RBFOX3: variants seen among roughly 807,000 people sequenced by gnomAD.
RBFOX3 encodes the protein RNA binding protein fox-1 homolog 3.
RBFOX3 carries 17 observed loss-of-function variants against 48.7 expected under a neutral mutation model. The observed-to-expected ratio is 0.35, with a 90% confidence interval of 0.24 to 0.52. The LOEUF is 0.52. RBFOX3 is among the 20% of genes least tolerant of loss of function. RBFOX3 has a pLI of 0.94. For missense variants in RBFOX3, 382 were observed against 497.5 expected (o/e 0.77, Z 2.21); for synonymous variants, 212 against 209.5 (o/e 1.01, Z -0.10).
chr17:79,253,482 T>C (rs2064296485), intron 3 of RBFOX3, among the ~76,000 whole-genome samples: 1 of 152,218 alleles, frequency 6.6e-6, no homozygotes, highest in African/African-American at 2.4e-5. Context: ...ATAGCCACTT[T>C]CTCTGGCGGG....
intron 10 of RBFOX3, 107 bp downstream of exon 10, chr17:79,097,585 G>C: frequency 6.9e-7 from 1 of 1,441,308 alleles, no homozygotes; most frequent in Non-Finnish European, 9.3e-7. Flanking sequence ...GGAGGGCGGG[G>C]ACGGCCCACC....
Position 79,199,030 on chromosome 17 carries a change from T to G in RBFOX3, c.-34+36736A>C, listed in dbSNP as rs2056279548. On this transcript the variant is annotated intron_variant, in intron 4 of 14. Transcript: ENST00000693108. The surrounding 1 kb of genome is among the most constrained non-coding windows in gnomAD (Gnocchi z 5.1). ...TGTGAGGCTGAACATTGCCTGTAAC[T>G]CAGTTGTGAGGCTGTTGACTGAGAA... 6.6e-6 allele frequency among the ~76,000 whole-genome samples: 1 copy of G among 152,150 alleles called. No homozygotes were observed. The highest frequency in any genetic ancestry group is 6.5e-5 in the Admixed American group (1 of 15,272).
chr17:79,535,712 C>T lies in RBFOX3; in HGVS notation c.-319-53114G>A, dbSNP rs1279154161. 3.3e-5 allele frequency among the ~76,000 whole-genome samples: 5 copies of T among 152,200 alleles called. No individual in the cohort carries two copies. Among genetic ancestry groups the T allele is most frequent in the Non-Finnish European group, 7.3e-5 (5 of 68,036 alleles). On this transcript the variant is annotated intron_variant, in intron 1 of 14. Transcript: ENST00000693108. The surrounding 1 kb of genome is among the most constrained non-coding windows in gnomAD (Gnocchi z 4.5). ...CCTGTGTTGGGGACAGTCAATCGGA[C>T]ATAGGAATAACGTGTCCTCTGCACC...
intron 1 of RBFOX3, chr17:79,601,413 A>G (rs1411254392): frequency 6.6e-6 from 1 of 152,328 alleles, no homozygotes; most frequent in African/African-American, 2.4e-5. Context: ...GAGCTGGTCC[A>G]GGAGGTTTAG....
chr17:79,424,612 C>G (rs2067027858), intron 2 of RBFOX3, among the ~76,000 whole-genome samples: 1 of 152,194 alleles, frequency 6.6e-6, no homozygotes, highest in Non-Finnish European at 1.5e-5. Context: ...ACCCCCTCCC[C>G]CACCAGGCTT....
chr17:79,094,349 A>G, intron 14 of RBFOX3, 102 bp downstream of exon 14: 1 of 797,068 alleles, frequency 1.3e-6, no homozygotes, highest in Non-Finnish European at 1.9e-6. Flanking sequence ...CTCCGGGACC[A>G]AGGCATTGGT....
chr17:79,334,681 C>T (rs1048953041), intron 2 of RBFOX3, among the ~76,000 whole-genome samples: 1 of 152,246 alleles, frequency 6.6e-6, no homozygotes, highest in African/African-American at 2.4e-5. Flanking sequence ...AGGCCCAAGA[C>T]TGAGCTCTCC....
rs932269793 is a variant in RBFOX3, at chr17:79,090,767, T to TC, written c.*115_*116insG. 55 of 1,270,920 alleles carry TC rather than the reference T, an allele frequency of 4.3e-5. No individual in the cohort carries two copies. The highest frequency in any genetic ancestry group is 5.7e-5 in the Non-Finnish European group (53 of 937,176). The allele number at this position is 1,270,920 out of a possible 1,614,324, so 78.7% of individuals were successfully genotyped here. On this transcript the variant is annotated 3_prime_UTR_variant, in exon 15 of 15. Coordinates refer to ENST00000693108, the MANE Select transcript of RBFOX3 (RefSeq NM_001350451.2). ...TTGGTTGGATGCCTCTTGGTTTGGT[T>TC]GGTTTTTTTTTTGTTGCTTGGATCT...
At chr17:79,255,994 C>T (rs1448813987) in intron 3 of RBFOX3, among the ~76,000 whole-genome samples, 1 of 151,666 alleles carries the variant, frequency 6.6e-6, no homozygotes, top group Admixed American at 6.6e-5. Context: ...AAGCAGCCAT[C>T]CAGAAAATGC....
At position 79,242,229 on chromosome 17, in the gene RBFOX3, C is replaced by T. The variant is rs939536987; in HGVS notation, c.-73-6424G>A. Among the ~76,000 whole-genome samples, 12 of 151,928 alleles carry T rather than the reference C, an allele frequency of 7.9e-5. No individual in the cohort carries two copies. Among genetic ancestry groups the T allele is most frequent in the East Asian group, 7.8e-4 (4 of 5,158 alleles). On this transcript the variant is annotated intron_variant, in intron 3 of 14. Transcript: ENST00000693108. This position sits in a 1 kb window ranked among gnomAD's most constrained non-coding sequence, Gnocchi z 5.8. ...GGAGGGGGTGCTACCTGAGGAGCCCCGGGGTGGGGGGCAGGCCGTATGGAG... is the reference window on the plus strand; with the variant it reads ...GGAGGGGGTGCTACCTGAGGAGCCCTGGGGTGGGGGGCAGGCCGTATGGAG...
the RBFOX3 span, among the ~76,000 whole-genome samples, chr17:79,665,258 C>T: frequency 6.6e-6 from 1 of 152,172 alleles, no homozygotes; most frequent in Non-Finnish European, 1.5e-5. Flanking sequence ...CTTTTTATCT[C>T]TCTTACTTGT....
intron 1 of RBFOX3, among the ~76,000 whole-genome samples, chr17:79,569,544 A>G (rs1037532733): frequency 2.0e-5 from 3 of 152,238 alleles, no homozygotes; most frequent in African/African-American, 7.2e-5. Context: ...ACATTGGCAT[A>G]CAAGTATCTG....
At chr17:79,561,556 C>T (rs1347837438) in intron 1 of RBFOX3, among the ~76,000 whole-genome samples, 1 of 152,228 alleles carries the variant, frequency 6.6e-6, no homozygotes, top group Non-Finnish European at 1.5e-5. Flanking sequence ...CAGCGCCTTT[C>T]CATCAGCCGA....
chr17:79,588,792 A>C (rs1450515205), intron 1 of RBFOX3, among the ~76,000 whole-genome samples: 1 of 150,936 alleles, frequency 6.6e-6, no homozygotes, highest in African/African-American at 2.5e-5. Context: ...CCTGGGCCAT[A>C]TAGTGAGACC....
At chr17:79,149,165 G>T (rs893827898) in intron 4 of RBFOX3, among the ~76,000 whole-genome samples, 2 of 152,224 alleles carry the variant, frequency 1.3e-5, no homozygotes, top group African/African-American at 4.8e-5. Context: ...CCAGGAAAAT[G>T]CGACGTCTGT....
In RBFOX3 at chr17:79,561,323, G is replaced by A. The variant is rs1047753475; in HGVS notation, c.-320+49503C>T. ...CCAGCCTTGCCAGGGCTGAGCAGCC[G>A]GCAAGCCCAGCTTCCAGGAAGAAAC... On this transcript the variant is annotated intron_variant, in intron 1 of 14. Coordinates refer to ENST00000693108, the MANE Select transcript of RBFOX3 (RefSeq NM_001350451.2). Among the ~76,000 whole-genome samples the A allele has an allele frequency of 1.2e-3, 189 of 152,230 alleles. 1 individual carries two copies. Among genetic ancestry groups the A allele is most frequent in the Non-Finnish European group, 6.2e-4 (42 of 68,006 alleles).
intron 2 of RBFOX3, among the ~76,000 whole-genome samples, chr17:79,378,100 C>T (rs906504044): frequency 1.3e-5 from 2 of 152,234 alleles, no homozygotes; most frequent in Non-Finnish European, 2.9e-5. Flanking sequence ...TGACTCCCAA[C>T]ACAGCCTCTG....
Position 79,204,599 on chromosome 17 carries a change from T to C in RBFOX3, c.-34+31167A>G, listed in dbSNP as rs757533608. On this transcript the variant is annotated intron_variant, in intron 4 of 14. Coordinates refer to ENST00000693108, the MANE Select transcript of RBFOX3 (RefSeq NM_001350451.2). This position sits in a 1 kb window ranked among gnomAD's most constrained non-coding sequence, Gnocchi z 4.5. ...GTGAACAGAGAACCCACTAGATGACTCTGTGTCCCAGAAGGGTATGGGGGA... is the reference window on the plus strand; with the variant it reads ...GTGAACAGAGAACCCACTAGATGACCCTGTGTCCCAGAAGGGTATGGGGGA... Among the ~76,000 whole-genome samples, 1 of 152,082 alleles carries C rather than the reference T, an allele frequency of 6.6e-6. No individual in the cohort carries two copies. The highest frequency in any genetic ancestry group is 2.1e-4 in the South Asian group (1 of 4,818).
At chr17:79,152,516 C>T (rs1441999511) in intron 4 of RBFOX3, among the ~76,000 whole-genome samples, 1 of 152,186 alleles carries the variant, frequency 6.6e-6, no homozygotes, top group Non-Finnish European at 1.5e-5. Flanking sequence ...GATGAGGGCA[C>T]TCATTCTGTG....
Sources: allele counts gnomAD v4.1 joint callset (sites outside exome capture counted in the v4.1 genomes callset), GRCh38; gene constraint gnomAD v4.1.1; non-coding constraint Gnocchi (gnomAD v3.1); transcripts MANE v1.5; gene names NCBI Gene and HGNC (gene_info 2026-07-23, HGNC 2026-07-21).